Variants in CCDC192 observed in about 807,000 individuals in gnomAD.
CCDC192 encodes coiled-coil domain-containing protein 192.
At chr5:127,858,741 A>C (rs1315214360) in intron 5 of CCDC192, among the ~76,000 whole-genome samples, 2 of 152,254 alleles carry the variant, frequency 1.3e-5, no homozygotes, top group Non-Finnish European at 2.9e-5. Context: ...AGCAAGGCCC[A>C]GTCACTGTGT....
At chr5:127,763,175 A>G (rs1375604100) in intron 3 of CCDC192, among the ~76,000 whole-genome samples, 1 of 152,014 alleles carries the variant, frequency 6.6e-6, no homozygotes, top group African/African-American at 2.4e-5. Flanking sequence ...TATACTGAAC[A>G]GCTCCACCAA....
intron 6 of CCDC192, among the ~76,000 whole-genome samples, chr5:127,905,421 TATA>T (rs986444529): frequency 4.6e-5 from 7 of 152,360 alleles, no homozygotes; most frequent in Non-Finnish European, 7.3e-5. Context: ...GTTTACATCA[TATA>T]ATGATGAATT....
At chr5:127,791,272 T>G (rs1286666682) in intron 3 of CCDC192, among the ~76,000 whole-genome samples, 1 of 152,210 alleles carries the variant, frequency 6.6e-6, no homozygotes, top group East Asian at 1.9e-4. Flanking sequence ...AAAAGAACAC[T>G]ATAAAGTTAT....
intron 3 of CCDC192, among the ~76,000 whole-genome samples, chr5:127,791,494 A>G (rs1053557344): frequency 6.6e-6 from 1 of 152,252 alleles, no homozygotes; most frequent in Non-Finnish European, 1.5e-5. Flanking sequence ...TGTCAGAATC[A>G]ATCATTTCAG....
intron 5 of CCDC192, among the ~76,000 whole-genome samples, chr5:127,804,983 C>T (rs543491417): frequency 2.4e-4 from 37 of 152,260 alleles, no homozygotes; most frequent in Non-Finnish European, 4.7e-4. Flanking sequence ...CAGCCTGATT[C>T]CTAGTGCAGT....
At chr5:127,883,928 C>A (rs1364414697) in intron 6 of CCDC192, among the ~76,000 whole-genome samples, 1 of 152,160 alleles carries the variant, frequency 6.6e-6, no homozygotes, top group African/African-American at 2.4e-5. Flanking sequence ...TTTCTAGACT[C>A]CTCCGATGGC....
chr5:127,897,010 C>T (rs926287945), intron 6 of CCDC192, among the ~76,000 whole-genome samples: 3 of 151,630 alleles, frequency 2.0e-5, no homozygotes, highest in African/African-American at 4.8e-5. Flanking sequence ...TTATAGCTTT[C>T]GCTTAAAACT....
intron 5 of CCDC192, among the ~76,000 whole-genome samples, chr5:127,799,909 G>A (rs978209946): frequency 1.1e-4 from 16 of 152,104 alleles, no homozygotes; most frequent in Non-Finnish European, 2.4e-4. Flanking sequence ...AATGAAAACA[G>A]TATTAACGAT....
chr5:127,752,123 T>G (rs1409168970), intron 2 of CCDC192, among the ~76,000 whole-genome samples: 1 of 152,256 alleles, frequency 6.6e-6, no homozygotes, highest in African/African-American at 2.4e-5. Flanking sequence ...CTCATCAAAG[T>G]CATTCTCCAT....
chr5:127,844,415 C>T (rs1418609550), intron 5 of CCDC192, among the ~76,000 whole-genome samples: 1 of 152,154 alleles, frequency 6.6e-6, no homozygotes. Flanking sequence ...ATGGATTTGA[C>T]AAAGACTACA....
At chr5:127,884,342 CAA>C (rs778430655) in intron 6 of CCDC192, among the ~76,000 whole-genome samples, 104 of 11,808 alleles carry the variant, frequency 8.8e-3, no homozygotes, top group African/African-American at 0.02. Flanking sequence ...GACTCCGTCT[CAA>C]AAAAAAAAAA....
intron 5 of CCDC192, among the ~76,000 whole-genome samples, chr5:127,861,085 T>C (rs1021200698): frequency 3.9e-5 from 6 of 152,058 alleles, no homozygotes; most frequent in Admixed American, 3.9e-4. Context: ...CTTGGCTCAC[T>C]ACAACCTTCA....
At chr5:127,797,758 TATATATATATATA>T (rs1561494109) in intron 4 of CCDC192, among the ~76,000 whole-genome samples, 1,590 of 28,336 alleles carry the variant, frequency 0.056, 52 homozygotes, top group Non-Finnish European at 0.13. Context: ...TATATATATA[TATATATATATATA>T]TATATATTTA....
chr5:127,748,986 T>G (rs1299274012), intron 2 of CCDC192, among the ~76,000 whole-genome samples: 1 of 152,224 alleles, frequency 6.6e-6, no homozygotes, highest in Non-Finnish European at 1.5e-5. Context: ...TGAAGTTGCT[T>G]ATCAGCTTAA....
chr5:127,916,484 C>G (rs1753524147), intron 6 of CCDC192, among the ~76,000 whole-genome samples: 2 of 152,164 alleles, frequency 1.3e-5, no homozygotes, highest in African/African-American at 4.8e-5. Context: ...TCAGAAGAAT[C>G]ATTATTATGA....
intron 5 of CCDC192, among the ~76,000 whole-genome samples, chr5:127,864,954 T>C (rs373201933): frequency 2.6e-5 from 4 of 152,174 alleles, no homozygotes; most frequent in African/African-American, 9.6e-5. Flanking sequence ...GAGGCCATCC[T>C]GGCTAACATG....
intron 2 of CCDC192, among the ~76,000 whole-genome samples, chr5:127,731,079 C>T (rs1017107850): frequency 6.6e-6 from 1 of 152,174 alleles, no homozygotes; most frequent in African/African-American, 2.4e-5. Context: ...CAAACTGTCT[C>T]TATTTGAAGA....
At chr5:127,704,533 A>G (rs1024674462) in intron 1 of CCDC192, among the ~76,000 whole-genome samples, 2 of 152,100 alleles carry the variant, frequency 1.3e-5, no homozygotes, top group Non-Finnish European at 2.9e-5. Flanking sequence ...TGAATGTGTG[A>G]TCCTTGTTCT....
At chr5:127,735,724 C>G (rs1447923350) in intron 2 of CCDC192, among the ~76,000 whole-genome samples, 1 of 128,958 alleles carries the variant, frequency 7.8e-6, no homozygotes, top group Non-Finnish European at 1.5e-5. Context: ...ATTTGGCTCT[C>G]TGTTTGTCTG....
Sources: gnomAD v4.1 joint callset for allele counts (sites outside exome capture counted in the v4.1 genomes callset) on GRCh38, gnomAD v4.1.1 for gene constraint, MANE v1.5 for transcripts, NCBI Gene and HGNC (gene_info 2026-07-23, HGNC 2026-07-21) for gene names.